Variants in TRIM58 observed in about 807,000 individuals in gnomAD.
TRIM58 encodes E3 ubiquitin-protein ligase TRIM58.
TRIM58 carries 38 observed loss-of-function variants against 34.1 expected under a neutral mutation model. That is an observed-to-expected ratio of 1.12 (90% CI 0.86 to 1.46). The LOEUF is 1.46. Among genes scored for constraint, TRIM58 ranks in the 40% most tolerant of loss-of-function variants. The probability of loss-of-function intolerance (pLI) is 0.00; values close to 1 mark genes in which losing one functional copy is unlikely to be tolerated. For missense variants in TRIM58, 677 were observed against 642.0 expected, an observed-to-expected ratio of 1.05 and a Z score of -0.59; for synonymous variants, 273 against 275.7, an observed-to-expected ratio of 0.99 and a Z score of 0.10.
At chr1:247,873,450 C>T (rs927666417) in intron 5 of TRIM58, among the ~76,000 whole-genome samples, 1 of 152,136 alleles carries the variant, frequency 6.6e-6, no homozygotes, top group African/African-American at 2.4e-5. Flanking sequence ...AGAGGAATGG[C>T]TTGGGAATAC....
rs1659375197 is a variant in TRIM58 at position 247,880,081 on chromosome 1, T to C, written c.*3592T>C. 1.3e-5 allele frequency among the ~76,000 whole-genome samples: 2 copies of C among 152,170 alleles called. No individual in the cohort carries two copies. The highest frequency in any genetic ancestry group is 2.9e-5 in the Non-Finnish European group (2 of 68,038). On this transcript the variant is annotated 3_prime_UTR_variant, in exon 6 of 6. Coordinates refer to ENST00000366481, the MANE Select transcript of TRIM58 (RefSeq NM_015431.4). ...ACCCCCAATGCTGGTTTGTATGTGG[T>C]TATCATTCAATCTGTATTTGTTGAA... is the stretch of plus-strand genomic sequence containing the variant.
rs1659307836 is a variant in TRIM58 at position 247,877,101 on chromosome 1, C to CA, written c.*614dup. The CA allele has an allele frequency of 6.6e-6, 1 of 152,216 alleles. No individual in the cohort carries two copies. The highest frequency in any genetic ancestry group is 2.4e-5 in the African/African-American group (1 of 41,426). The allele number at this position is 152,216 out of a possible 1,614,324, so 9.4% of individuals were successfully genotyped here. The stretch of plus-strand genomic sequence containing the variant: ...TGGTCACATTTCCTATGACTTTACT[C>CA]AATTACTTTTAAAATCCTTTCTATT... On this transcript the variant is annotated 3_prime_UTR_variant, in exon 6 of 6. Transcript: ENST00000366481.
At chr1:247,866,674 C>T (rs1291691265) in intron 3 of TRIM58, among the ~76,000 whole-genome samples, 1 of 152,148 alleles carries the variant, frequency 6.6e-6, no homozygotes, top group Non-Finnish European at 1.5e-5. Flanking sequence ...TCAATCATAG[C>T]TCACTGCAGC....
chr1:247,876,624 T>C lies in TRIM58; in HGVS notation c.*135T>C. On this transcript the variant is annotated 3_prime_UTR_variant, in exon 6 of 6. Coordinates refer to ENST00000366481, the MANE Select transcript of TRIM58 (RefSeq NM_015431.4). ...TCGTTGTTGCTGTGAAATATGTCCATGGGACAAAAGAGGGAATATGAAATA... is the reference window on the plus strand; with the variant it reads ...TCGTTGTTGCTGTGAAATATGTCCACGGGACAAAAGAGGGAATATGAAATA... 2 of 665,038 alleles carry C rather than the reference T, an allele frequency of 3.0e-6. No individual in the cohort carries two copies. Among genetic ancestry groups the C allele is most frequent in the Non-Finnish European group, 5.1e-6 (2 of 393,690 alleles). The allele number at this position is 665,038 out of a possible 1,614,324, so 41.2% of individuals were successfully genotyped here.
In TRIM58 at chr1:247,876,572, G is replaced by A. The variant is rs1659295453; in HGVS notation, c.*83G>A. The A allele has an allele frequency of 1.9e-6, 2 of 1,056,732 alleles. No individual in the cohort carries two copies. Among genetic ancestry groups the A allele is most frequent in the South Asian group, 3.2e-5 (2 of 62,624 alleles). 65.5% of individuals were successfully genotyped at this position (1,056,732 alleles called of 1,614,324 possible). A position where few individuals can be genotyped will look rare whatever the true frequency, so the allele number is the denominator to read the frequency against. On this transcript the variant is annotated 3_prime_UTR_variant, in exon 6 of 6. Coordinates refer to ENST00000366481, the MANE Select transcript of TRIM58 (RefSeq NM_015431.4). ...GATATCAATATACTAAGTTTTAACA[G>A]ATACCCCATTTAGGTCAGCACTTGA...
At chr1:247,875,645 GT>G (rs146855191) in intron 5 of TRIM58, among the ~76,000 whole-genome samples, 4 of 150,338 alleles carry the variant, frequency 2.7e-5, no homozygotes, top group South Asian at 2.1e-4. Context: ...ATCAATAGTT[GT>G]TTTTTTTTGG....
intron 5 of TRIM58, 64 bp from the exon 6 acceptor site, chr1:247,875,835 TG>T: frequency 7.1e-7 from 1 of 1,402,068 alleles, no homozygotes; most frequent in Non-Finnish European, 9.7e-7. Context: ...TTCTTTTCAG[TG>T]GTTTCCTAAG....
chr1:247,876,310 A>T lies in TRIM58; in HGVS notation c.1282A>T (p.Thr428Ser). The change falls in exon 6 of 6, where the codon ACA (threonine) becomes TCA (serine). Residue 428 changes from threonine to serine, a missense_variant. By Grantham distance (58) the Thr-to-Ser change is moderately conservative. Transcript: ENST00000366481. Reference sequence around the variant, plus strand: ...CGGTGAAATTTCATTCTACAATGTCACAGATGGATCTTATATCTACACATT... The same window carrying T: ...CGGTGAAATTTCATTCTACAATGTCTCAGATGGATCTTATATCTACACATT... Reference protein sequence around the residue: ...EAGEISFYNVTDGSYIYTFNQ... With the variant: ...EAGEISFYNVSDGSYIYTFNQ... 6.2e-7 allele frequency: 1 copy of T among 1,614,148 alleles called. No homozygotes were observed. Among genetic ancestry groups the T allele is most frequent in the Non-Finnish European group, 8.5e-7 (1 of 1,180,028 alleles).
In TRIM58 at chr1:247,878,560, T is replaced by G. The variant is rs143131827; in HGVS notation, c.*2071T>G. Among the ~76,000 whole-genome samples, 52 of 152,350 alleles carry G rather than the reference T, an allele frequency of 3.4e-4. No individual in the cohort carries two copies. The highest frequency in any genetic ancestry group is 1.2e-3 in the African/African-American group (51 of 41,578). On this transcript the variant is annotated 3_prime_UTR_variant, in exon 6 of 6. Transcript: ENST00000366481. ...CCATGTGTGCCCTAGCCCTCGTTCA[T>G]GCAAGGTCTGTGTAGGGAAGGTGGA...
chr1:247,864,632 C>T, intron 2 of TRIM58, 73 bp from the exon 3 acceptor site: 3 of 1,496,104 alleles, frequency 2.0e-6, no homozygotes, highest in East Asian at 2.3e-5. Context: ...TGGACATTAC[C>T]TTCTCCAGCA....
chr1:247,860,522 G>A (rs1263688269), intron 1 of TRIM58, 95 bp from the exon 2 acceptor site: 4 of 780,226 alleles, frequency 5.1e-6, no homozygotes, highest in Non-Finnish European at 8.5e-6. Context: ...GCTTTCTAGG[G>A]ACTGTTTAAG....
chr1:247,865,039 A>G (rs1663889749), intron 3 of TRIM58, 104 bp downstream of exon 3: 3 of 1,089,420 alleles, frequency 2.8e-6, no homozygotes, highest in East Asian at 2.6e-5. Context: ...GTTCTTTAGG[A>G]AAAGGGCACC....
chr1:247,874,996 G>A (rs147048076), intron 5 of TRIM58, among the ~76,000 whole-genome samples: 55 of 152,270 alleles, frequency 3.6e-4, no homozygotes, highest in African/African-American at 1.3e-3. Flanking sequence ...GAGGTCACTC[G>A]TTTGTCTCTT....
chr1:247,864,230 G>A (rs12118065), intron 2 of TRIM58, among the ~76,000 whole-genome samples: 75,307 of 151,782 alleles, frequency 0.5, 20,476 homozygotes, highest in East Asian at 0.66. Context: ...CTGCAGCCTC[G>A]AGCTCTTAGA....
chr1:247,866,463 G>A (rs774307731), intron 3 of TRIM58, among the ~76,000 whole-genome samples: 45 of 152,298 alleles, frequency 3.0e-4, no homozygotes, highest in Non-Finnish European at 5.3e-4. Context: ...GATTAAAGGC[G>A]TGAGCCCCTG....
In TRIM58 at chr1:247,876,261, T is replaced by C; in HGVS notation, c.1233T>C (p.Ile411=). 6.2e-7 allele frequency: 1 copy of C among 1,614,180 alleles called. No individual in the cohort carries two copies. Among genetic ancestry groups the C allele is most frequent in the Non-Finnish European group, 8.5e-7 (1 of 1,180,034 alleles). The stretch of plus-strand genomic sequence containing the variant: ...TCCAACTGGAAAGTCCTCGCTGCAT[T>C]GGGATTTTCTTGGACTATGAAGCCG... The part of the protein sequence containing the change: ...PLLQLESPRC[I]GIFLDYEAGE... The change falls in exon 6 of 6, where the codon ATT becomes ATC. Residue 411 remains isoleucine, a synonymous_variant. Transcript: ENST00000366481.
chr1:247,875,925 G>C lies in TRIM58; in HGVS notation c.897G>C (p.Thr299=). 1.2e-6 allele frequency: 2 copies of C among 1,612,860 alleles called. No individual in the cohort carries two copies. The highest frequency in any genetic ancestry group is 8.5e-7 in the Non-Finnish European group (1 of 1,179,278). ...TGGATGTAAAGCTGGATCCCGCCAC[G>C]GCGCACCCGAGTCTGCTCTTGACCG... ...FQVDVKLDPA[T]AHPSLLLTAD... is the part of the protein sequence containing the mutation. The change falls in exon 6 of 6, where the codon ACG becomes ACC. Residue 299 remains threonine (T), a synonymous_variant. Coordinates refer to ENST00000366481, the MANE Select transcript of TRIM58 (RefSeq NM_015431.4).
Position 247,876,666 on chromosome 1 carries a change from T to G in TRIM58, c.*177T>G, listed in dbSNP as rs1659296740. 1.7e-6 allele frequency: 1 copy of G among 591,282 alleles called. No individual in the cohort carries two copies. Among genetic ancestry groups the G allele is most frequent in the Non-Finnish European group, 3.0e-6 (1 of 337,838 alleles). The allele number at this position is 591,282 out of a possible 1,614,324, so 36.6% of individuals were successfully genotyped here. A position where few individuals can be genotyped will look rare whatever the true frequency, so the allele number is the denominator to read the frequency against. ...TATGAAATATTTGCATATGGGAAGA[T>G]TATAGAGCATAATAATTTTGTAAAT... On this transcript the variant is annotated 3_prime_UTR_variant, in exon 6 of 6. Transcript: ENST00000366481.
In TRIM58 at chr1:247,876,514, T is replaced by G; in HGVS notation, c.*25T>G. 1 of 1,582,490 alleles carries G rather than the reference T, an allele frequency of 6.3e-7. No homozygotes were observed. Among genetic ancestry groups the G allele is most frequent in the Middle Eastern group, 1.7e-4 (1 of 5,942 alleles). ...AAATTCTGTTCCCAAGATGCAGTCCTAGCGTAGCGAACGTTCCTGGAGTGG... is the reference window on the plus strand; with the variant it reads ...AAATTCTGTTCCCAAGATGCAGTCCGAGCGTAGCGAACGTTCCTGGAGTGG... On this transcript the variant is annotated 3_prime_UTR_variant, in exon 6 of 6. Transcript: ENST00000366481.
Sources: allele counts gnomAD v4.1 joint callset (sites outside exome capture counted in the v4.1 genomes callset), GRCh38; gene constraint gnomAD v4.1.1; transcripts MANE v1.5; gene names NCBI Gene and HGNC (gene_info 2026-07-23, HGNC 2026-07-21).